The following BICD1 variants were observed in gnomAD, a reference collection of about 807,000 sequenced individuals.
BICD1 encodes the protein BICD cargo adaptor 1.
In BICD1, 35 loss-of-function variants were observed where a neutral mutation model predicts 92.5. The ratio of observed to expected loss-of-function variants is 0.38; its 90% CI spans 0.29 to 0.50. BICD1 has a LOEUF of 0.50. Ranked by LOEUF, BICD1 falls within the 20% of genes least tolerant of loss-of-function variation. The pLI is 0.93. For synonymous variants in BICD1, 429 were observed against 465.1 expected (o/e 0.92, Z 1.00); for missense variants, 950 against 1,189.8 (o/e 0.80, Z 2.97).
At chr12:32,234,275 T>C (rs950242985) in intron 2 of BICD1, among the ~76,000 whole-genome samples, 3 of 152,208 alleles carry the variant, frequency 2.0e-5, no homozygotes, top group Admixed American at 6.5e-5. Flanking sequence ...TTCTGATATA[T>C]TTTTGGTTTC....
chr12:32,278,658 C>G (rs1409949114), intron 2 of BICD1, among the ~76,000 whole-genome samples: 1 of 152,088 alleles, frequency 6.6e-6, no homozygotes, highest in Non-Finnish European at 1.5e-5. Context: ...TCGAGACCAT[C>G]CTGGCTAACA....
chr12:32,201,794 A>AAC (rs1555146233), intron 1 of BICD1, among the ~76,000 whole-genome samples: 1 of 152,138 alleles, frequency 6.6e-6, no homozygotes, highest in Non-Finnish European at 1.5e-5. Context: ...AAAAAAAAAA[A>AAC]ACACAATCTT....
At chr12:32,306,399 A>T (rs953275423) in intron 4 of BICD1, among the ~76,000 whole-genome samples, 4 of 151,776 alleles carry the variant, frequency 2.6e-5, no homozygotes, top group Non-Finnish European at 5.9e-5. Context: ...GCCCGCCACC[A>T]TGCCCGGCTA....
intron 8 of BICD1, among the ~76,000 whole-genome samples, chr12:32,352,153 C>A (rs1383154890): frequency 6.6e-6 from 1 of 150,900 alleles, no homozygotes; most frequent in East Asian, 1.9e-4. Context: ...TGCAGTGAGC[C>A]GAGATCGTGC....
chr12:32,268,533 TGCCTGTAATCTTA>T (rs1204807877), intron 2 of BICD1, among the ~76,000 whole-genome samples: 1 of 152,210 alleles, frequency 6.6e-6, no homozygotes, highest in Non-Finnish European at 1.5e-5. Flanking sequence ...CGGTCGCTCA[TGCCTGTAATCTTA>T]GCGCTTTGGG....
chr12:32,217,238 C>T (rs1463421599), intron 2 of BICD1, among the ~76,000 whole-genome samples: 4 of 152,198 alleles, frequency 2.6e-5, no homozygotes, highest in Admixed American at 6.5e-5. Context: ...GAGACGCAGA[C>T]GTCCTCTAAC....
chr12:32,138,673 A>T (rs1394309879), intron 1 of BICD1, among the ~76,000 whole-genome samples: 1 of 152,196 alleles, frequency 6.6e-6, no homozygotes, highest in Non-Finnish European at 1.5e-5. Context: ...TTTTGCCCAA[A>T]TATAGGCTAA....
intron 1 of BICD1, among the ~76,000 whole-genome samples, chr12:32,178,474 G>GTTC (rs1331015371): frequency 6.6e-6 from 1 of 151,948 alleles, no homozygotes; most frequent in Non-Finnish European, 1.5e-5. Flanking sequence ...CTCGGCCCCA[G>GTTC]TTCTTGCTGG....
chr12:32,138,461 G>T (rs1942803718), intron 1 of BICD1, among the ~76,000 whole-genome samples: 1 of 152,212 alleles, frequency 6.6e-6, no homozygotes, highest in Non-Finnish European at 1.5e-5. Flanking sequence ...TATGTATGCA[G>T]ATGGTCCCTG....
chr12:32,236,948 C>T (rs1272352803), intron 2 of BICD1, among the ~76,000 whole-genome samples: 3 of 145,598 alleles, frequency 2.1e-5, no homozygotes, highest in Non-Finnish European at 4.5e-5. Context: ...AATCTCGGCT[C>T]ACTGCAAGCT....
intron 8 of BICD1, among the ~76,000 whole-genome samples, chr12:32,359,039 T>C (rs1003391418): frequency 1.3e-5 from 2 of 152,168 alleles, no homozygotes; most frequent in Admixed American, 6.5e-5. Flanking sequence ...GATATCCTTT[T>C]CCCTCCCATA....
chr12:32,266,627 C>T (rs1039562664), intron 2 of BICD1, among the ~76,000 whole-genome samples: 4 of 152,066 alleles, frequency 2.6e-5, no homozygotes, highest in Non-Finnish European at 2.9e-5. Context: ...GAGGCCAAGG[C>T]GGGTGGATCA....
intron 8 of BICD1, among the ~76,000 whole-genome samples, chr12:32,366,025 A>G (rs982283804): frequency 6.6e-6 from 1 of 152,224 alleles, no homozygotes; most frequent in African/African-American, 2.4e-5. Context: ...TAAGATGGCA[A>G]CAAAGACCAC....
chr12:32,198,554 T>G (rs1407793602), intron 1 of BICD1, among the ~76,000 whole-genome samples: 2 of 149,556 alleles, frequency 1.3e-5, no homozygotes, highest in East Asian at 3.9e-4. Flanking sequence ...CTCTTTTTTT[T>G]TTATTTAATC....
At chr12:32,167,315 A>G (rs1039838308) in intron 1 of BICD1, among the ~76,000 whole-genome samples, 1 of 152,236 alleles carries the variant, frequency 6.6e-6, no homozygotes, top group African/African-American at 2.4e-5. Context: ...TAGCAAAGCA[A>G]TGATGCATTT....
At chr12:32,229,880 A>C (rs1039653187) in intron 2 of BICD1, among the ~76,000 whole-genome samples, 3 of 152,216 alleles carry the variant, frequency 2.0e-5, no homozygotes, top group African/African-American at 7.2e-5. Flanking sequence ...TAAGAAGGAA[A>C]GAGAAGAAAG....
At position 32,290,910 on chromosome 12, in the gene BICD1, G is replaced by C. The variant is rs993169529; in HGVS notation, c.427-3084G>C. Among the ~76,000 whole-genome samples, 2 of 152,106 alleles carry C rather than the reference G, an allele frequency of 1.3e-5. 1 individual carries two copies. The highest frequency in any genetic ancestry group is 4.1e-4 in the South Asian group (2 of 4,824). On this transcript the variant is annotated intron_variant, in intron 2 of 9. Transcript: ENST00000652176. ...GAAGTCTTCCTTACCATTTTAACAA[G>C]TGTCAGAATAATTTTTTTAACATCT...
chr12:32,362,954 G>A (rs759926370), intron 8 of BICD1, among the ~76,000 whole-genome samples: 1 of 152,192 alleles, frequency 6.6e-6, no homozygotes, highest in East Asian at 1.9e-4. Flanking sequence ...CAAGCCTGTC[G>A]ACCCAGCTAT....
intron 1 of BICD1, among the ~76,000 whole-genome samples, chr12:32,116,955 G>T (rs1158407073): frequency 6.7e-6 from 1 of 149,818 alleles, no homozygotes; most frequent in African/African-American, 2.4e-5. Flanking sequence ...TTTTCTTCTG[G>T]ATTCATATTT....
Sources: allele counts gnomAD v4.1 joint callset (sites outside exome capture counted in the v4.1 genomes callset), GRCh38; gene constraint gnomAD v4.1.1; transcripts MANE v1.5; gene names NCBI Gene and HGNC (gene_info 2026-07-23, HGNC 2026-07-21).